The following WWOX variants were observed in gnomAD, a reference collection of about 807,000 sequenced individuals.
WWOX encodes WW domain-containing oxidoreductase.
In WWOX, 69 loss-of-function variants were observed where a neutral mutation model predicts 46.2. The observed-to-expected ratio is 1.49, with a 90% CI of 1.23 to 1.82. The LOEUF is 1.82. Ranked by LOEUF, WWOX falls within the 40% of genes most tolerant of loss-of-function variation. The probability of loss-of-function intolerance (pLI) is 0.00; values close to 1 mark genes in which losing one functional copy is unlikely to be tolerated. For synonymous variants in WWOX, 359 were observed against 202.6 expected (o/e 1.77, Z -6.56); for missense variants, 919 against 542.6 (o/e 1.69, Z -6.89).
intron 8 of WWOX, among the ~76,000 whole-genome samples, chr16:78,608,329 T>C (rs2045813717): frequency 6.6e-6 from 1 of 152,338 alleles, no homozygotes; most frequent in East Asian, 1.9e-4. Flanking sequence ...TATCCTGTTT[T>C]GCTTTCTTTC....
At chr16:78,539,593 A>C (rs1166196760) in intron 8 of WWOX, among the ~76,000 whole-genome samples, 3 of 152,232 alleles carry the variant, frequency 2.0e-5, no homozygotes, top group African/African-American at 7.2e-5. Flanking sequence ...ATGCATTTTT[A>C]AGAATTTCCC....
chr16:78,259,309 CTG>C (rs2038217009), intron 5 of WWOX, among the ~76,000 whole-genome samples: 1 of 152,110 alleles, frequency 6.6e-6, no homozygotes, highest in Admixed American at 6.5e-5. Context: ...AGAAGAGAGA[CTG>C]TATTCCATTT....
intron 8 of WWOX, among the ~76,000 whole-genome samples, chr16:78,894,689 G>T (rs898776918): frequency 6.6e-6 from 1 of 152,124 alleles, no homozygotes; most frequent in South Asian, 2.1e-4. Flanking sequence ...AGAGGCTGTG[G>T]AAACAATAGA....
At chr16:79,182,318 C>G (rs1419139246) in intron 8 of WWOX, among the ~76,000 whole-genome samples, 2 of 152,076 alleles carry the variant, frequency 1.3e-5, no homozygotes, top group Admixed American at 1.3e-4. Flanking sequence ...ATGTTGTCAT[C>G]AAAACGACCG....
intron 8 of WWOX, among the ~76,000 whole-genome samples, chr16:79,134,301 T>A (rs767949352): frequency 2.6e-5 from 4 of 152,068 alleles, no homozygotes; most frequent in Non-Finnish European, 5.9e-5. Context: ...CAGTAAAGGA[T>A]TCACCAAGAC....
At chr16:78,425,438 G>C (rs377028663) in intron 7 of WWOX, among the ~76,000 whole-genome samples, 1 of 152,144 alleles carries the variant, frequency 6.6e-6, no homozygotes, top group African/African-American at 2.4e-5. Context: ...TAGAGCCTGC[G>C]AGATGAAATC....
At chr16:78,585,697 G>T (rs867338386) in intron 8 of WWOX, among the ~76,000 whole-genome samples, 2,104 of 133,686 alleles carry the variant, frequency 0.016, 31 homozygotes, top group Middle Eastern at 0.05. Flanking sequence ...GTTTTTTTTT[G>T]TTTTTTTTGT....
intron 8 of WWOX, among the ~76,000 whole-genome samples, chr16:79,064,932 C>T (rs572217402): frequency 2.2e-4 from 34 of 152,214 alleles, no homozygotes; most frequent in Admixed American, 3.9e-4. Flanking sequence ...GTGCAAATGG[C>T]GCCAGGAATC....
chr16:78,641,916 C>G (rs1308219782), intron 8 of WWOX, among the ~76,000 whole-genome samples: 1 of 152,084 alleles, frequency 6.6e-6, no homozygotes, highest in African/African-American at 2.4e-5. Context: ...AGTGGCTTAC[C>G]AAATAGATCT....
In WWOX at chr16:78,862,765, C is replaced by T. The variant is rs547148503; in HGVS notation, c.1057-348843C>T. On this transcript the variant is annotated intron_variant, in intron 8 of 8. Transcript: ENST00000566780. ...CACTCAGCCTTTTATTTTATTCAGGCCTTCAACAGATTGTATGAAGCCACC... is the reference window on the plus strand; with the variant it reads ...CACTCAGCCTTTTATTTTATTCAGGTCTTCAACAGATTGTATGAAGCCACC... Among the ~76,000 whole-genome samples, 6 of 152,150 alleles carry T rather than the reference C, an allele frequency of 3.9e-5. No individual in the cohort carries two copies. The East Asian group carries it at 1.2e-3, about 29-fold the overall frequency.
chr16:78,999,175 A>C (rs1404811582), intron 8 of WWOX, among the ~76,000 whole-genome samples: 1 of 151,556 alleles, frequency 6.6e-6, no homozygotes, highest in South Asian at 2.1e-4. Flanking sequence ...GATTCTTCTA[A>C]GGATGGCTGC....
At chr16:78,631,579 C>T (rs1298452077) in intron 8 of WWOX, among the ~76,000 whole-genome samples, 2 of 147,788 alleles carry the variant, frequency 1.4e-5, no homozygotes, top group East Asian at 4.0e-4. Flanking sequence ...GGCTCTGTCA[C>T]CCAGGGTCTA....
intron 8 of WWOX, among the ~76,000 whole-genome samples, chr16:78,464,225 T>C (rs529689629): frequency 6.7e-6 from 1 of 149,990 alleles, no homozygotes; most frequent in African/African-American, 2.5e-5. Context: ...AAGGGAAGGA[T>C]GGAAGGAAGA....
chr16:79,021,812 C>T (rs1389114129), intron 8 of WWOX, among the ~76,000 whole-genome samples: 1 of 152,206 alleles, frequency 6.6e-6, no homozygotes, highest in Non-Finnish European at 1.5e-5. Context: ...ATTAAGGAGT[C>T]TGCACTAGCT....
At chr16:78,989,487 G>A (rs1240665897) in intron 8 of WWOX, among the ~76,000 whole-genome samples, 3 of 152,102 alleles carry the variant, frequency 2.0e-5, no homozygotes, top group African/African-American at 4.8e-5. Context: ...TGTCCATAGC[G>A]CCCATGGCTC....
intron 8 of WWOX, among the ~76,000 whole-genome samples, chr16:78,762,205 T>A (rs1414495649): frequency 6.6e-6 from 1 of 152,268 alleles, no homozygotes; most frequent in East Asian, 1.9e-4. Flanking sequence ...CCCAGGAATT[T>A]CCTCAGCCAA....
At chr16:78,670,894 C>T (rs189111661) in intron 8 of WWOX, among the ~76,000 whole-genome samples, 254 of 151,818 alleles carry the variant, frequency 1.7e-3, no homozygotes, top group Non-Finnish European at 3.1e-3. Context: ...GGCCCTACAT[C>T]CAATAAGAAT....
chr16:78,921,404 A>G (rs2045375466), intron 8 of WWOX, among the ~76,000 whole-genome samples: 1 of 152,208 alleles, frequency 6.6e-6, no homozygotes, highest in Non-Finnish European at 1.5e-5. Context: ...GTACAGTAAA[A>G]TTAGGAGAGT....
At chr16:78,659,559 A>T (rs1017038213) in intron 8 of WWOX, among the ~76,000 whole-genome samples, 32 of 152,192 alleles carry the variant, frequency 2.1e-4, no homozygotes, top group Non-Finnish European at 2.9e-4. Context: ...AAACCTTTCG[A>T]GACATCATTT....
Sources: allele counts gnomAD v4.1 joint callset (sites outside exome capture counted in the v4.1 genomes callset), GRCh38; gene constraint gnomAD v4.1.1; transcripts MANE v1.5; gene names NCBI Gene and HGNC (gene_info 2026-07-23, HGNC 2026-07-21).